Variants in SLC22A9 observed in about 807,000 individuals in gnomAD.
SLC22A9 encodes the protein solute carrier family 22 member 9, also known as organic anion transporter 7.
Under a neutral mutation model 50.1 loss-of-function variants are expected in SLC22A9, and 64 were observed. The ratio of observed to expected loss-of-function variants is 1.28; its 90% confidence interval spans 1.04 to 1.57. The LOEUF (loss-of-function observed/expected upper bound fraction) is 1.57, where lower values mean the gene tolerates loss of function less well. Ranked by LOEUF, SLC22A9 falls within the 40% of genes most tolerant of loss-of-function variation. The pLI, the probability that SLC22A9 is intolerant of heterozygous loss-of-function variation, is 0.00. For synonymous variants in SLC22A9, 261 were observed against 242.5 expected, an observed-to-expected ratio of 1.08 and a Z score of -0.71; for missense variants, 757 against 676.1, an observed-to-expected ratio of 1.12 and a Z score of -1.33.
intron 6 of SLC22A9, among the ~76,000 whole-genome samples, chr11:63,403,386 A>G (rs2014983020): frequency 6.6e-6 from 1 of 152,086 alleles, no homozygotes. Flanking sequence ...ACCATCCCTC[A>G]ATAATGAAAA....
At chr11:63,401,100 G>A (rs1021047104) in intron 6 of SLC22A9, among the ~76,000 whole-genome samples, 1 of 152,006 alleles carries the variant, frequency 6.6e-6, no homozygotes, top group African/African-American at 2.4e-5. Flanking sequence ...TAGAAGACAA[G>A]TATGCCCACT....
At chr11:63,391,237 C>CAT (rs1478249020) in intron 6 of SLC22A9, among the ~76,000 whole-genome samples, 2 of 152,014 alleles carry the variant, frequency 1.3e-5, no homozygotes, top group African/African-American at 4.8e-5. Context: ...TGTGGCTTAA[C>CAT]ATATGGTCTA....
chr11:63,386,644 GT>G (rs1268110969), intron 6 of SLC22A9, among the ~76,000 whole-genome samples: 3 of 151,248 alleles, frequency 2.0e-5, no homozygotes, highest in Admixed American at 2.0e-4. Flanking sequence ...ATGGTAGTTT[GT>G]ATTTCTATGG....
chr11:63,374,976 G>A (rs1311015698), intron 4 of SLC22A9, among the ~76,000 whole-genome samples: 1 of 152,052 alleles, frequency 6.6e-6, no homozygotes, highest in East Asian at 1.9e-4. Flanking sequence ...CCTTAAAAAA[G>A]CCAGTTCAGT....
At chr11:63,409,707 G>A (rs2015104667) in intron 9 of SLC22A9, 95 bp from the exon 10 acceptor site, 2 of 1,278,816 alleles carry the variant, frequency 1.6e-6, no homozygotes, top group Admixed American at 2.0e-5. Flanking sequence ...AATGGACAAA[G>A]AATCAACATT....
rs1336447389 is a variant in SLC22A9 at position 63,407,989 on chromosome 11, G to A, written c.1289-123G>A. The A allele has an allele frequency of 7.3e-6, 5 of 682,542 alleles. No individual in the cohort carries two copies. In the East Asian group the frequency reaches 1.1e-4, roughly 15 times the overall value. The allele number at this position is 682,542 out of a possible 1,614,324, so 42.3% of individuals were successfully genotyped here. On this transcript the variant is annotated intron_variant, in intron 7 of 9. Coordinates refer to ENST00000279178, the MANE Select transcript of SLC22A9 (RefSeq NM_080866.3). ...ACTGCACATTCTTTGCCTCTATGCA[G>A]TTTCCCTACAGTACATTTAACCCTT... is the stretch of plus-strand genomic sequence containing the variant.
intron 8 of SLC22A9, 65 bp downstream of exon 8, chr11:63,408,285 T>C: frequency 7.8e-7 from 1 of 1,287,810 alleles, no homozygotes; most frequent in Non-Finnish European, 1.1e-6. Flanking sequence ...TTGACACTTT[T>C]TGCGGGAAGA....
intron 2 of SLC22A9, among the ~76,000 whole-genome samples, chr11:63,373,199 C>A (rs2014396102): frequency 6.7e-6 from 1 of 148,896 alleles, no homozygotes. Flanking sequence ...ATGGATGTTC[C>A]TTTCACATCA....
intron 8 of SLC22A9, among the ~76,000 whole-genome samples, 177 bp downstream of exon 8, chr11:63,408,397 G>A (rs2015077191): frequency 6.6e-6 from 1 of 152,162 alleles, no homozygotes. Context: ...ACTGTATTAA[G>A]TCCTTTGATG....
At position 63,406,606 on chromosome 11, in the gene SLC22A9, T is replaced by C. The variant is rs2015043625; in HGVS notation, c.1183T>C (p.Cys395Arg). Reference sequence around the variant, plus strand: ...TGGTGCAGTCATCCTCCTGGCCAACTGTGTTGCACCTTGGGCACTGAAATA... The same window carrying C: ...TGGTGCAGTCATCCTCCTGGCCAACCGTGTTGCACCTTGGGCACTGAAATA... ...LFGAVILLAN[C>R]VAPWALKYMN... The change falls in exon 7 of 10, where the codon TGT becomes CGT. Residue 395 changes from cysteine to arginine, a missense_variant. Physicochemically the swap from Cys to Arg is radical, Grantham distance 180. Transcript: ENST00000279178. 1 of 1,613,766 alleles carries C rather than the reference T, an allele frequency of 6.2e-7. No homozygotes were observed. Among genetic ancestry groups the C allele is most frequent in the Admixed American group, 1.7e-5 (1 of 59,936 alleles).
chr11:63,377,013 A>G (rs2014472018), intron 5 of SLC22A9, among the ~76,000 whole-genome samples: 1 of 152,164 alleles, frequency 6.6e-6, no homozygotes, highest in Admixed American at 6.6e-5. Context: ...TTAAATATAT[A>G]TGCACCCAAC....
At chr11:63,406,775 G>T (rs2015048342) in intron 7 of SLC22A9, 64 bp downstream of exon 7, 1 of 1,522,542 alleles carries the variant, frequency 6.6e-7, no homozygotes, top group East Asian at 2.3e-5. Context: ...GATTGTACTT[G>T]TCACACCTAT....
At position 63,409,845 on chromosome 11, in the gene SLC22A9, G is replaced by A. The variant is rs148855199; in HGVS notation, c.1645G>A (p.Glu549Lys). ...REPKQEDPRV[E>K]VTQF ...ACCAAAGCAAGAGGATCCGAGAGTG[G>A]AAGTGACGCAGTTTTAAGGAATTCC... is the stretch of plus-strand genomic sequence containing the variant. Residue 549 changes from glutamate (E) to lysine (K), a missense_variant, in exon 10 of 10, where the codon GAA (glutamate) becomes AAA (lysine). Physicochemically the swap from Glu to Lys is moderately conservative, Grantham distance 56. Coordinates refer to ENST00000279178, the MANE Select transcript of SLC22A9 (RefSeq NM_080866.3). 6.9e-5 allele frequency: 111 copies of A among 1,613,562 alleles called. No homozygotes were observed. The highest frequency in any genetic ancestry group is 9.2e-5 in the Non-Finnish European group (109 of 1,179,826).
chr11:63,373,942 G>T lies in SLC22A9; in HGVS notation c.710G>T (p.Gly237Val). 6.2e-7 allele frequency: 1 copy of T among 1,613,648 alleles called. No homozygotes were observed. The highest frequency in any genetic ancestry group is 8.5e-7 in the Non-Finnish European group (1 of 1,179,772). The change falls in exon 4 of 10, where the codon GGA (glycine) becomes GTA (valine). Residue 237 changes from glycine to valine, a missense_variant. Transcript: ENST00000279178. ...TTCCAGGCCATGGGAATTACATTGGGAATGTGCCCTTCTGGTATTGCATTT... is the reference window on the plus strand; with the variant it reads ...TTCCAGGCCATGGGAATTACATTGGTAATGTGCCCTTCTGGTATTGCATTT... ...HRFQAMGITLGMCPSGIAFMT... is the reference protein window; with the variant it reads ...HRFQAMGITLVMCPSGIAFMT...
At chr11:63,398,080 A>G (rs570627859) in intron 6 of SLC22A9, among the ~76,000 whole-genome samples, 1 of 152,074 alleles carries the variant, frequency 6.6e-6, no homozygotes, top group Non-Finnish European at 1.5e-5. Context: ...TCAGGACCCA[A>G]GGTTTTTTAG....
chr11:63,405,635 C>T (rs2015024515), intron 6 of SLC22A9, among the ~76,000 whole-genome samples: 1 of 152,106 alleles, frequency 6.6e-6, no homozygotes, highest in Non-Finnish European at 1.5e-5. Flanking sequence ...ATCTGTCACT[C>T]AATAAGTTGT....
chr11:63,385,107 T>C (rs1441757254), intron 6 of SLC22A9, among the ~76,000 whole-genome samples: 6 of 12,566 alleles, frequency 4.8e-4, no homozygotes, highest in African/African-American at 1.1e-3. Context: ...GATGATACAG[T>C]TTTTTTTTTT....
intron 6 of SLC22A9, among the ~76,000 whole-genome samples, chr11:63,382,878 A>G (rs185551448): frequency 6.6e-6 from 1 of 152,318 alleles, no homozygotes; most frequent in Non-Finnish European, 1.5e-5. Flanking sequence ...TGAAATGGGT[A>G]AGAAGAGTAA....
chr11:63,380,160 T>A (rs1188167638), intron 5 of SLC22A9, among the ~76,000 whole-genome samples: 3 of 152,182 alleles, frequency 2.0e-5, no homozygotes, highest in African/African-American at 7.2e-5. Context: ...CCTGTCAGAA[T>A]AGCAATTATT....
Sources: allele counts gnomAD v4.1 joint callset (sites outside exome capture counted in the v4.1 genomes callset), GRCh38; gene constraint gnomAD v4.1.1; transcripts MANE v1.5; gene names NCBI Gene and HGNC (gene_info 2026-07-23, HGNC 2026-07-21).